BAIAP2: variants seen among roughly 807,000 people sequenced by gnomAD.
BAIAP2 encodes BAR/IMD domain-containing adapter protein 2.
BAIAP2 carries 18 observed loss-of-function variants against 63.0 expected under a neutral mutation model. That is an observed-to-expected ratio of 0.29 (90% CI 0.20 to 0.42). The LOEUF (loss-of-function observed/expected upper bound fraction) is 0.42. Ranked by LOEUF, BAIAP2 falls within the 10% of genes least tolerant of loss-of-function variation. The probability of loss-of-function intolerance (pLI) is 1.00; values close to 1 mark genes in which losing one functional copy is unlikely to be tolerated. For missense variants in BAIAP2, 610 were observed against 734.3 expected (o/e 0.83, Z 1.96); for synonymous variants, 386 against 307.6 (o/e 1.25, Z -2.67).
Position 81,116,386 on chromosome 17 carries a change from G to GGT in BAIAP2, c.*549_*550dup. The stretch of plus-strand genomic sequence containing the variant: ...GGCCTGGTCCCTCCCCATGCCCCTC[G>GGT]GTGGGGCTCTCCTGGGCCCCTCACT... On this transcript the variant is annotated 3_prime_UTR_variant, in exon 14 of 14. Coordinates refer to ENST00000428708, the MANE Select transcript of BAIAP2 (RefSeq NM_001144888.2). The GGT allele has an allele frequency of 6.4e-7, 1 of 1,552,198 alleles. No individual in the cohort carries two copies. Among genetic ancestry groups the GGT allele is most frequent in the Non-Finnish European group, 8.8e-7 (1 of 1,138,942 alleles).
chr17:81,061,788 G>A (rs998442185), intron 3 of BAIAP2, among the ~76,000 whole-genome samples: 2 of 152,172 alleles, frequency 1.3e-5, no homozygotes, highest in Non-Finnish European at 2.9e-5. Context: ...CTCTCTTGGT[G>A]AAGTGTGTGT....
At chr17:81,115,739 T>G in intron 13 of BAIAP2, 31 bp from the exon 14 acceptor site, 1 of 1,613,290 alleles carries the variant, frequency 6.2e-7, no homozygotes, top group Non-Finnish European at 8.5e-7. Context: ...GCTTCCGCCC[T>G]AAAAATTAAA....
chr17:81,035,960 G>T (rs900456481), intron 1 of BAIAP2: 1 of 152,248 alleles, frequency 6.6e-6, no homozygotes, highest in East Asian at 1.9e-4. Flanking sequence ...TTATGTAACC[G>T]CGGAGAGAGA....
At chr17:81,068,038 C>A (rs1421150070) in intron 3 of BAIAP2, among the ~76,000 whole-genome samples, 1 of 152,226 alleles carries the variant, frequency 6.6e-6, no homozygotes, top group Non-Finnish European at 1.5e-5. Context: ...GGCTCAGGAG[C>A]CTCTGTGGGC....
At chr17:81,058,869 T>C (rs2050068524) in intron 3 of BAIAP2, among the ~76,000 whole-genome samples, 1 of 152,112 alleles carries the variant, frequency 6.6e-6, no homozygotes, top group South Asian at 2.1e-4. Flanking sequence ...TCTCGGGGAC[T>C]GAAAGCCCCC....
intron 1 of BAIAP2, among the ~76,000 whole-genome samples, chr17:81,052,725 G>A (rs1200581277): frequency 6.6e-6 from 1 of 152,182 alleles, no homozygotes; most frequent in African/African-American, 2.4e-5. Context: ...TGCTGGGAGA[G>A]GGGGTGGGGG....
chr17:81,094,842 C>T (rs532932847), intron 6 of BAIAP2, among the ~76,000 whole-genome samples: 2 of 152,344 alleles, frequency 1.3e-5, no homozygotes, highest in South Asian at 2.1e-4. Context: ...AAGTGTTACC[C>T]ATGGTGACAG....
At chr17:81,113,846 C>T (rs2060191877) in intron 13 of BAIAP2, among the ~76,000 whole-genome samples, 1 of 152,150 alleles carries the variant, frequency 6.6e-6, no homozygotes, top group Non-Finnish European at 1.5e-5. Flanking sequence ...GCCTTTGCCA[C>T]TGACTTTCTG....
intron 2 of BAIAP2, among the ~76,000 whole-genome samples, chr17:81,055,296 CCCAGGTGGA>C (rs1568083970): frequency 6.6e-6 from 1 of 152,200 alleles, no homozygotes; most frequent in East Asian, 1.9e-4. Flanking sequence ...TTCTCAGCTC[CCCAGGTGGA>C]CCAGTTGTGC....
chr17:81,084,982 A>G, intron 4 of BAIAP2, 89 bp downstream of exon 4: 1 of 1,354,924 alleles, frequency 7.4e-7, no homozygotes. Flanking sequence ...CCACTTGGGA[A>G]CAGTCCCAGT....
intron 1 of BAIAP2, among the ~76,000 whole-genome samples, chr17:81,048,820 T>G (rs1373652245): frequency 6.6e-6 from 1 of 152,046 alleles, no homozygotes; most frequent in Admixed American, 6.5e-5. Context: ...GGGACATCCG[T>G]CTCTGTGGAC....
intron 1 of BAIAP2, among the ~76,000 whole-genome samples, chr17:81,048,741 G>C (rs191197104): frequency 3.5e-4 from 53 of 152,250 alleles, no homozygotes; most frequent in Admixed American, 1.6e-3. Flanking sequence ...GTCCCTGGGG[G>C]CTGTAGTAGG....
chr17:81,103,840 T>C, intron 8 of BAIAP2, 67 bp from the exon 9 acceptor site: 1 of 1,599,494 alleles, frequency 6.3e-7, no homozygotes, highest in Non-Finnish European at 8.5e-7. Flanking sequence ...GGCGGAGGGT[T>C]CTCTTTCCCC....
At chr17:81,072,956 T>C (rs973611153) in intron 3 of BAIAP2, among the ~76,000 whole-genome samples, 6 of 151,976 alleles carry the variant, frequency 3.9e-5, no homozygotes, top group Admixed American at 3.3e-4. Context: ...CATGCACGCT[T>C]CCCTGATGAG....
chr17:81,043,075 C>T (rs1301504716), intron 1 of BAIAP2, among the ~76,000 whole-genome samples: 1 of 152,062 alleles, frequency 6.6e-6, no homozygotes, highest in Non-Finnish European at 1.5e-5. Context: ...CCATGTTGCC[C>T]AGGCTGGTCT....
intron 1 of BAIAP2, among the ~76,000 whole-genome samples, chr17:81,037,251 A>G (rs1324737743): frequency 6.6e-6 from 1 of 152,160 alleles, no homozygotes; most frequent in Non-Finnish European, 1.5e-5. Flanking sequence ...GCGGTTGATG[A>G]TTTGATTTAG....
At chr17:81,098,814 C>G (rs1374522327) in intron 6 of BAIAP2, among the ~76,000 whole-genome samples, 4 of 152,240 alleles carry the variant, frequency 2.6e-5, no homozygotes, top group African/African-American at 9.6e-5. Context: ...TGCCGAGCGG[C>G]TGACCGCCGG....
chr17:81,062,012 G>A (rs754910789), intron 3 of BAIAP2, among the ~76,000 whole-genome samples: 3 of 152,052 alleles, frequency 2.0e-5, no homozygotes, highest in Non-Finnish European at 4.4e-5. Context: ...GTGCAATCTC[G>A]GCTCACTGCC....
intron 7 of BAIAP2, among the ~76,000 whole-genome samples, chr17:81,101,881 T>C (rs1285852966): frequency 6.6e-6 from 1 of 152,110 alleles, no homozygotes; most frequent in Non-Finnish European, 1.5e-5. Flanking sequence ...GGGAGCGCTG[T>C]GGAGCGCAGG....
Sources: allele counts gnomAD v4.1 joint callset (sites outside exome capture counted in the v4.1 genomes callset), GRCh38; gene constraint gnomAD v4.1.1; transcripts MANE v1.5; gene names NCBI Gene and HGNC (gene_info 2026-07-23, HGNC 2026-07-21).